Variants in GPBP1 observed in about 807,000 individuals in gnomAD.
The protein encoded by GPBP1 is vasculin.
In GPBP1, 13 loss-of-function variants were observed where a neutral mutation model predicts 56.5. The ratio of observed to expected loss-of-function variants is 0.23; its 90% CI spans 0.15 to 0.37. The LOEUF is 0.37. Ranked by LOEUF, GPBP1 falls within the 10% of genes least tolerant of loss-of-function variation. The pLI, the probability that GPBP1 is intolerant of heterozygous loss-of-function variation, is 1.00. For synonymous variants in GPBP1, 204 were observed against 188.9 expected, an observed-to-expected ratio of 1.08 and a Z score of -0.66; for missense variants, 477 against 572.3, an observed-to-expected ratio of 0.83 and a Z score of 1.70.
At chr5:57,244,934 C>T (rs1301027476) in intron 6 of GPBP1, among the ~76,000 whole-genome samples, 2 of 152,030 alleles carry the variant, frequency 1.3e-5, no homozygotes, top group African/African-American at 2.4e-5. Context: ...GACGGGGTTT[C>T]ACCATGTTGG....
chr5:57,218,290 G>A (rs1449373226), intron 3 of GPBP1, among the ~76,000 whole-genome samples: 1 of 152,172 alleles, frequency 6.6e-6, no homozygotes, highest in East Asian at 1.9e-4. Context: ...GATGCCAATA[G>A]CCAGTCCCAG....
At chr5:57,176,768 G>GTTTGTA (rs1159318459) in intron 2 of GPBP1, among the ~76,000 whole-genome samples, 1 of 152,196 alleles carries the variant, frequency 6.6e-6, no homozygotes, top group African/African-American at 2.4e-5. Flanking sequence ...TTCCTAGCCA[G>GTTTGTA]TTTGTATTCT....
chr5:57,201,242 C>T (rs1193762812), intron 2 of GPBP1, among the ~76,000 whole-genome samples: 2 of 152,194 alleles, frequency 1.3e-5, no homozygotes, highest in Admixed American at 6.5e-5. Context: ...CCTTCTGCCT[C>T]AGCCTCTTGA....
intron 10 of GPBP1, among the ~76,000 whole-genome samples, chr5:57,254,476 C>G (rs1375034603): frequency 1.3e-5 from 2 of 152,066 alleles, no homozygotes; most frequent in Non-Finnish European, 2.9e-5. Flanking sequence ...GGGTGGGTCA[C>G]TTGAGGTCAG....
At chr5:57,200,882 G>A (rs911735026) in intron 2 of GPBP1, among the ~76,000 whole-genome samples, 1 of 152,134 alleles carries the variant, frequency 6.6e-6, no homozygotes, top group Non-Finnish European at 1.5e-5. Context: ...GTATCACCGT[G>A]TTAGCCAGGA....
At chr5:57,209,844 G>A (rs995482490) in intron 2 of GPBP1, among the ~76,000 whole-genome samples, 1 of 152,056 alleles carries the variant, frequency 6.6e-6, no homozygotes, top group East Asian at 1.9e-4. Flanking sequence ...ATACTACTTT[G>A]TATGGTGTTT....
At chr5:57,178,874 C>T (rs1396228471) in intron 2 of GPBP1, among the ~76,000 whole-genome samples, 2 of 151,802 alleles carry the variant, frequency 1.3e-5, no homozygotes, top group South Asian at 2.1e-4. Flanking sequence ...CTTTTTTGTC[C>T]CTTTCTAAAC....
At chr5:57,242,696 T>G (rs112344157) in intron 6 of GPBP1, among the ~76,000 whole-genome samples, 9 of 152,280 alleles carry the variant, frequency 5.9e-5, no homozygotes, top group African/African-American at 2.2e-4. Context: ...CCATCCCACC[T>G]TGGCCTCCGA....
rs774452991 is a variant in GPBP1 at position 57,176,276 on chromosome 5, C to T, written c.-182C>T. On this transcript the variant is annotated 5_prime_UTR_variant, in exon 2 of 12. Transcript: ENST00000506184. Reference sequence around the variant, plus strand: ...TTGAAGTAACTCTATGTCAAATAGTCGTAGGTTAAGTATCTTCAAAGAACT... The same window carrying T: ...TTGAAGTAACTCTATGTCAAATAGTTGTAGGTTAAGTATCTTCAAAGAACT... 64 of 350,126 alleles carry T rather than the reference C, an allele frequency of 1.8e-4. No individual in the cohort carries two copies. Among genetic ancestry groups the T allele is most frequent in the Non-Finnish European group, 2.6e-4 (51 of 197,060 alleles). The allele number at this position is 350,126 out of a possible 1,614,324, so 21.7% of individuals were successfully genotyped here.
At chr5:57,192,342 C>T (rs541063616) in intron 2 of GPBP1, among the ~76,000 whole-genome samples, 5 of 152,190 alleles carry the variant, frequency 3.3e-5, no homozygotes, top group East Asian at 1.9e-4. Context: ...TTGGGGATAG[C>T]GCTAGATTGC....
Position 57,262,745 on chromosome 5 carries a change from A to C in GPBP1, c.1415A>C (p.Asp472Ala), listed in dbSNP as rs774824812. The change falls in exon 12 of 12, where the codon GAT becomes GCT. Residue 472 changes from aspartate to alanine, a missense_variant. Physicochemically the swap from Asp to Ala is moderately radical, Grantham distance 126. Around this residue, in one of 2 missense-constraint regions of GPBP1, gnomAD observed 63 missense variants for 114.0 expected, o/e 0.55. Transcript: ENST00000506184. ...TSSSDTSDDDDV is the reference protein window; with the variant it reads ...TSSSDTSDDDAV ...AGCAGTGATACATCAGATGACGACG[A>C]TGTGTGAAGGATTTCCTAACAGCTT... 1 of 1,612,908 alleles carries C rather than the reference A, an allele frequency of 6.2e-7. No homozygotes were observed. Among genetic ancestry groups the C allele is most frequent in the Non-Finnish European group, 8.5e-7 (1 of 1,179,298 alleles).
At chr5:57,234,197 AT>A (rs1237881756) in intron 5 of GPBP1, among the ~76,000 whole-genome samples, 1 of 152,100 alleles carries the variant, frequency 6.6e-6, no homozygotes, top group African/African-American at 2.4e-5. Flanking sequence ...ATTAAAATTG[AT>A]TTTATTTAAT....
At position 57,263,662 on chromosome 5, in the gene GPBP1, A is replaced by G. The variant is rs1001617119; in HGVS notation, c.*910A>G. ...TCTAAACATGCTTTATTCACTTGTT[A>G]AAGTCATACTTTTAAAAGTAATACC... On this transcript the variant is annotated 3_prime_UTR_variant, in exon 12 of 12. Coordinates refer to ENST00000506184, the MANE Select transcript of GPBP1 (RefSeq NM_022913.4). The G allele has an allele frequency of 6.6e-6, 1 of 152,194 alleles. No individual in the cohort carries two copies. The highest frequency in any genetic ancestry group is 6.5e-5 in the Admixed American group (1 of 15,278). 9.4% of individuals were successfully genotyped at this position (152,194 alleles called of 1,614,324 possible). A position where few individuals can be genotyped will look rare whatever the true frequency, so the allele number is the denominator to read the frequency against.
chr5:57,215,099 T>G (rs1319350094), intron 3 of GPBP1, among the ~76,000 whole-genome samples: 1 of 152,226 alleles, frequency 6.6e-6, no homozygotes, highest in Non-Finnish European at 1.5e-5. Context: ...ACAGAGCATC[T>G]TACCTTTTTC....
At chr5:57,239,843 C>T (rs145831934) in intron 6 of GPBP1, among the ~76,000 whole-genome samples, 132 of 152,270 alleles carry the variant, frequency 8.7e-4, no homozygotes, top group African/African-American at 3.1e-3. Context: ...TGATCTTAAA[C>T]ATTTTTTTTG....
intron 2 of GPBP1, among the ~76,000 whole-genome samples, chr5:57,213,088 C>G (rs77866059): frequency 2.7e-5 from 4 of 150,776 alleles, no homozygotes; most frequent in Non-Finnish European, 5.9e-5. Context: ...GAGCCTTGCT[C>G]TTTTGCCCAG....
chr5:57,206,258 T>A (rs1349746284), intron 2 of GPBP1, among the ~76,000 whole-genome samples: 1 of 152,186 alleles, frequency 6.6e-6, no homozygotes, highest in African/African-American at 2.4e-5. Flanking sequence ...TTTCTTTTTT[T>A]AATTGTTACT....
At chr5:57,187,124 A>G (rs1235775150) in intron 2 of GPBP1, among the ~76,000 whole-genome samples, 2 of 151,754 alleles carry the variant, frequency 1.3e-5, no homozygotes, top group African/African-American at 4.8e-5. Context: ...CTGCTTTAAC[A>G]TTGGATGTCT....
At chr5:57,240,848 C>T (rs1190843442) in intron 6 of GPBP1, among the ~76,000 whole-genome samples, 3 of 151,814 alleles carry the variant, frequency 2.0e-5, no homozygotes, top group Non-Finnish European at 1.5e-5. Context: ...GTGGCACATG[C>T]CTGTAATTCC....
Sources: gnomAD v4.1 joint callset for allele counts (sites outside exome capture counted in the v4.1 genomes callset) on GRCh38, gnomAD v4.1.1 for gene constraint, gnomAD v4.1.1 regional missense constraint, MANE v1.5 for transcripts, NCBI Gene and HGNC (gene_info 2026-07-23, HGNC 2026-07-21) for gene names.